FRMD4A: variants seen among roughly 807,000 people sequenced by gnomAD.
The protein encoded by FRMD4A is FERM domain-containing protein 4A.
In FRMD4A, 29 loss-of-function variants were observed where a neutral mutation model predicts 129.1. The observed-to-expected ratio is 0.22, with a 90% CI of 0.17 to 0.31. FRMD4A has a LOEUF of 0.31. FRMD4A is among the 10% of genes least tolerant of loss of function. The pLI is 1.00. For synonymous variants in FRMD4A, 634 were observed against 571.6 expected (o/e 1.11, Z -1.56); for missense variants, 1,272 against 1,375.8 (o/e 0.92, Z 1.19).
At chr10:13,830,912 C>T (rs1419160651) in intron 3 of FRMD4A, among the ~76,000 whole-genome samples, 6 of 152,192 alleles carry the variant, frequency 3.9e-5, no homozygotes, top group African/African-American at 1.2e-4. Context: ...GCCTCAGCCT[C>T]CCAAGTAGCT....
intron 2 of FRMD4A, among the ~76,000 whole-genome samples, chr10:14,268,760 T>C (rs1845063505): frequency 6.6e-6 from 1 of 152,198 alleles, no homozygotes. Context: ...AGCAATGTTC[T>C]TCCTGGGCTA....
At chr10:14,172,803 T>C (rs1048483267) in intron 2 of FRMD4A, among the ~76,000 whole-genome samples, 4 of 152,214 alleles carry the variant, frequency 2.6e-5, no homozygotes, top group South Asian at 4.1e-4. Context: ...TGAGAACAAG[T>C]GGGTCACCAA....
intron 2 of FRMD4A, among the ~76,000 whole-genome samples, chr10:14,235,023 G>A (rs1843755310): frequency 6.6e-6 from 1 of 152,066 alleles, no homozygotes. Flanking sequence ...ATATAGGTAC[G>A]TGCAGAGGTG....
At chr10:13,802,990 A>G (rs2093286705) in intron 4 of FRMD4A, among the ~76,000 whole-genome samples, 1 of 152,158 alleles carries the variant, frequency 6.6e-6, no homozygotes, top group African/African-American at 2.4e-5. Flanking sequence ...TCTACTAAAA[A>G]TACAAAAAAT....
In FRMD4A at chr10:14,318,329, C is replaced by CTT. The variant is rs368474626; in HGVS notation, c.45+11727_45+11728dup. Among the ~76,000 whole-genome samples, 540 of 145,854 alleles carry CTT rather than the reference C, an allele frequency of 3.7e-3. 11 individuals carry two copies. The highest frequency in any genetic ancestry group is 0.023 in the East Asian group (115 of 5,038). ...GATACCAAGCTATATCCCCCCCCAC[C>CTT]TTTTTTTTTTTACCTTGACACATGG... is the stretch of plus-strand genomic sequence containing the variant. On this transcript the variant is annotated intron_variant, in intron 2 of 24. Transcript: ENST00000357447.
At chr10:14,273,716 T>G (rs956432580) in intron 2 of FRMD4A, among the ~76,000 whole-genome samples, 1 of 151,682 alleles carries the variant, frequency 6.6e-6, no homozygotes, top group Non-Finnish European at 1.5e-5. Flanking sequence ...GTCAATGGAG[T>G]CTCCAGGGTT....
intron 2 of FRMD4A, among the ~76,000 whole-genome samples, chr10:14,244,209 C>T (rs1261954760): frequency 6.6e-6 from 1 of 152,180 alleles, no homozygotes. Flanking sequence ...TGCTACCATT[C>T]CCTAAACACC....
chr10:13,789,585 CACACAT>C (rs1461878709), intron 5 of FRMD4A, among the ~76,000 whole-genome samples: 8 of 151,122 alleles, frequency 5.3e-5, no homozygotes, highest in African/African-American at 2.0e-4. Context: ...CACACACACA[CACACAT>C]GACGCAGACT....
chr10:14,178,399 T>C (rs955507454), intron 2 of FRMD4A, among the ~76,000 whole-genome samples: 1 of 152,216 alleles, frequency 6.6e-6, no homozygotes, highest in Non-Finnish European at 1.5e-5. Flanking sequence ...GTTAGACACT[T>C]AAAAGCACAA....
intron 9 of FRMD4A, among the ~76,000 whole-genome samples, chr10:13,747,521 C>G (rs201939406): frequency 1.6e-5 from 1 of 60,804 alleles, no homozygotes; most frequent in Non-Finnish European, 3.3e-5. Context: ...AAAGTGAGAT[C>G]CGTCTCAAAA....
intron 2 of FRMD4A, among the ~76,000 whole-genome samples, chr10:13,869,826 T>C (rs1396393773): frequency 6.6e-6 from 1 of 152,202 alleles, no homozygotes; most frequent in Non-Finnish European, 1.5e-5. Context: ...CCCACTATTC[T>C]ACCGGAAATA....
Position 13,717,430 on chromosome 10 carries a change from C to T in FRMD4A, c.760-10317G>A, listed in dbSNP as rs145068052. Among the ~76,000 whole-genome samples the T allele has an allele frequency of 4.7e-4, 71 of 152,302 alleles. No individual in the cohort carries two copies. The East Asian group carries it at 0.013, about 27-fold the overall frequency. On this transcript the variant is annotated intron_variant, in intron 12 of 24. Transcript: ENST00000357447. The stretch of plus-strand genomic sequence containing the variant: ...CCGGGTTCAAGCGATTCTCCTGCCT[C>T]AGCCTCCCGAATAGCTGAGATTACA...
At chr10:13,979,516 C>G (rs1320048752) in intron 2 of FRMD4A, among the ~76,000 whole-genome samples, 1 of 152,184 alleles carries the variant, frequency 6.6e-6, no homozygotes, top group African/African-American at 2.4e-5. Context: ...AGCAGCAAGT[C>G]AGTGTCTCTT....
intron 2 of FRMD4A, among the ~76,000 whole-genome samples, chr10:14,162,630 G>GTTTTTTTTTT (rs556368229): frequency 5.1e-5 from 6 of 117,340 alleles, no homozygotes; most frequent in African/African-American, 1.8e-4. Context: ...GAGTTTCTCT[G>GTTTTTTTTTT]TTTTTTTTTT....
rs759240781 is a variant in FRMD4A at position 13,858,876 on chromosome 10, C to G, written c.82G>C (p.Asp28His). 6.2e-7 allele frequency: 1 copy of G among 1,607,356 alleles called. No homozygotes were observed. Among genetic ancestry groups the G allele is most frequent in the Non-Finnish European group, 8.5e-7 (1 of 1,173,776 alleles). Residue 28 changes from aspartate to histidine, a missense_variant, in exon 3 of 25, where the codon GAT becomes CAT. By Grantham distance (81) the Asp-to-His change is moderately conservative. Coordinates refer to ENST00000357447, the MANE Select transcript of FRMD4A (RefSeq NM_018027.5). ...ACTAGGAGTTCCAGCTTCCTGTCATCAAGAAGATGTACTTGACATCGGCGG... is the reference window on the plus strand; with the variant it reads ...ACTAGGAGTTCCAGCTTCCTGTCATGAAGAAGATGTACTTGACATCGGCGG... ...EGRRCQVHLL[D>H]DRKLELLVQP...
intron 15 of FRMD4A, among the ~76,000 whole-genome samples, chr10:13,689,068 G>A (rs2085384713): frequency 6.6e-6 from 1 of 152,062 alleles, no homozygotes; most frequent in South Asian, 2.1e-4. Flanking sequence ...CAGATACCAA[G>A]TACTAGACTT....
chr10:14,155,809 C>G (rs745812367), intron 2 of FRMD4A, among the ~76,000 whole-genome samples: 2 of 152,128 alleles, frequency 1.3e-5, no homozygotes, highest in Non-Finnish European at 2.9e-5. Context: ...TTTCAGAACG[C>G]AATAAAACAA....
rs1188443463 is a variant in FRMD4A, at chr10:13,807,539, T to C, written c.206+3275A>G. Among the ~76,000 whole-genome samples the C allele has an allele frequency of 4.0e-5, 6 of 148,478 alleles. No homozygotes were observed. In the Admixed American group the frequency reaches 4.1e-4, roughly 10 times the overall value. On this transcript the variant is annotated intron_variant, in intron 4 of 24. Coordinates refer to ENST00000357447, the MANE Select transcript of FRMD4A (RefSeq NM_018027.5). ...AAAAAGAAAGCAGACTTAGCATTAA[T>C]GCTGCAAAACTGTTGATTGCTAACA... is the stretch of plus-strand genomic sequence containing the variant.
At chr10:13,861,858 A>T (rs1478326544) in intron 2 of FRMD4A, among the ~76,000 whole-genome samples, 17 of 152,212 alleles carry the variant, frequency 1.1e-4, no homozygotes, top group Admixed American at 1.0e-3. Context: ...TACAATTTTA[A>T]ATTAGACTAA....
Sources: gnomAD v4.1 joint callset for allele counts (sites outside exome capture counted in the v4.1 genomes callset) on GRCh38, gnomAD v4.1.1 for gene constraint, MANE v1.5 for transcripts, NCBI Gene and HGNC (gene_info 2026-07-23, HGNC 2026-07-21) for gene names.